GCN1: variants seen among roughly 807,000 people sequenced by gnomAD.
GCN1 encodes GCN1 activator of EIF2AK4.
A neutral mutation model predicts 288.4 loss-of-function variants in GCN1; 90 were observed. The observed-to-expected ratio is 0.31, with a 90% confidence interval of 0.26 to 0.37. GCN1 has a LOEUF of 0.37. Ranked by LOEUF, GCN1 falls within the 10% of genes least tolerant of loss-of-function variation. The pLI is 1.00. For synonymous variants in GCN1, 1,386 were observed against 1,420.2 expected (o/e 0.98, Z 0.54); for missense variants, 2,586 against 3,419.9 (o/e 0.76, Z 6.08).
intron 57 of GCN1, 21 bp downstream of exon 57, chr12:120,129,255 T>C: frequency 6.4e-7 from 1 of 1,552,900 alleles, no homozygotes; most frequent in Non-Finnish European, 8.9e-7. Context: ...CACATCCTGG[T>C]GAGGCCCCCC....
intron 50 of GCN1, 54 bp from the exon 51 acceptor site, chr12:120,136,786 G>A (rs1420808426): frequency 7.4e-7 from 1 of 1,359,630 alleles, no homozygotes; most frequent in Non-Finnish European, 1.0e-6. Flanking sequence ...GGGCCCTGGT[G>A]TCTCCCATGC....
chr12:120,134,827 C>A lies in GCN1; in HGVS notation c.7009-101G>T, dbSNP rs1183980819. The A allele has an allele frequency of 6.1e-6, 6 of 986,680 alleles. No individual in the cohort carries two copies. The highest frequency in any genetic ancestry group is 9.4e-6 in the Non-Finnish European group (6 of 637,498). The allele number at this position is 986,680 out of a possible 1,614,324, so 61.1% of individuals were successfully genotyped here. On this transcript the variant is annotated intron_variant, in intron 51 of 57. Coordinates refer to ENST00000300648, the MANE Select transcript of GCN1 (RefSeq NM_006836.2). The surrounding 1 kb of genome is among the most constrained non-coding windows in gnomAD (Gnocchi z 5.0). The stretch of plus-strand genomic sequence containing the variant: ...AAATGACAATCCCAAACCACCACAG[C>A]GAGTCCAGCTCTCATACAGGGCTGG...
rs376503346 is a variant in GCN1, at chr12:120,150,027, G to A, written c.4326C>T (p.Phe1442=). ...FRRREGALFA[F]EMLCTMLGKL... ...TCCCCAGCATGGTGCAGAGCATCTC[G>A]AAGGCAAAGAGGGCTCCTAGGGGAA... Residue 1442 remains phenylalanine (F), a synonymous_variant, in exon 35 of 58, where the codon TTC becomes TTT. Transcript: ENST00000300648. 6.7e-5 allele frequency: 108 copies of A among 1,614,038 alleles called. No individual in the cohort carries two copies. Among genetic ancestry groups the A allele is most frequent in the South Asian group, 1.2e-4 (11 of 91,060 alleles).
intron 38 of GCN1, among the ~76,000 whole-genome samples, chr12:120,145,600 C>T (rs1387935466): frequency 6.6e-6 from 1 of 152,206 alleles, no homozygotes; most frequent in Admixed American, 6.5e-5. Context: ...TCTTGCACCT[C>T]CCACCCTTCT....
rs766792614 is a variant in GCN1 at position 120,163,050 on chromosome 12, C to T, written c.2038+20G>A. On this transcript the variant is annotated intron_variant, in intron 19 of 57. Transcript: ENST00000300648. ...TCCCCTAAAGCTCTGGGCTCTCCCA[C>T]ACCCACCGCAGCCACGGACCTAAGG... 11 of 1,613,640 alleles carry T rather than the reference C, an allele frequency of 6.8e-6. No homozygotes were observed. The East Asian group carries it at 2.5e-4, about 36-fold the overall frequency.
At position 120,153,090 on chromosome 12, in the gene GCN1, TAAC is replaced by T. The variant is rs1387180357; in HGVS notation, c.4062+120_4062+122del. ...TCCCCTGCGAGAGGGGGTGAATCCT[TAAC>T]AAGAACTGGGCTTTCAGGGCCCTGA... On this transcript the variant is annotated intron_variant, in intron 33 of 57. Transcript: ENST00000300648. This position sits in a 1 kb window ranked among gnomAD's most constrained non-coding sequence, Gnocchi z 4.4. 2.7e-6 allele frequency: 2 copies of T among 752,210 alleles called. No individual in the cohort carries two copies. Among genetic ancestry groups the T allele is most frequent in the African/African-American group, 3.5e-5 (2 of 56,918 alleles). 46.6% of individuals were successfully genotyped at this position (752,210 alleles called of 1,614,324 possible).
Position 120,144,554 on chromosome 12 carries a change from C to A in GCN1, c.5352+85G>T. 1 of 1,551,648 alleles carries A rather than the reference C, an allele frequency of 6.4e-7. No homozygotes were observed. Among genetic ancestry groups the A allele is most frequent in the South Asian group, 1.2e-5 (1 of 85,434 alleles). On this transcript the variant is annotated intron_variant, in intron 41 of 57. Transcript: ENST00000300648. This position sits in a 1 kb window ranked among gnomAD's most constrained non-coding sequence, Gnocchi z 4.7. Reference sequence around the variant, plus strand: ...GAGGGCTCTGCCAACCAACCCCAGCCAGCAGGGATCTCTAGCTCTCCAGGT... The same window carrying A: ...GAGGGCTCTGCCAACCAACCCCAGCAAGCAGGGATCTCTAGCTCTCCAGGT...
At chr12:120,157,231 C>T in intron 26 of GCN1, 1 of 472,584 alleles carries the variant, frequency 2.1e-6, no homozygotes, top group Non-Finnish European at 3.8e-6. Flanking sequence ...CTATGAAATC[C>T]AGAAAGACCG....
Position 120,178,942 on chromosome 12 carries a change from C to A in GCN1, c.435G>T (p.Val145=). 1.2e-6 allele frequency: 2 copies of A among 1,613,354 alleles called. No homozygotes were observed. Among genetic ancestry groups the A allele is most frequent in the South Asian group, 2.2e-5 (2 of 91,036 alleles). The change falls in exon 6 of 58, where the codon GTG becomes GTT. Residue 145 remains valine, a synonymous_variant. Transcript: ENST00000300648. ...GCACCTCCAGCAAGAGCAGGCACTG[C>A]ACTTCCACCTGCCAGGACCAGGGAA... is the stretch of plus-strand genomic sequence containing the variant. ...QGDIWNKLVE[V]QCLLLLEVLG... is the part of the protein sequence containing the mutation.
rs745888251 is a variant in GCN1 at position 120,153,273 on chromosome 12, G to A, written c.4002C>T (p.Asp1334=). 1 of 1,614,228 alleles carries A rather than the reference G, an allele frequency of 6.2e-7. No individual in the cohort carries two copies. The highest frequency in any genetic ancestry group is 1.1e-5 in the South Asian group (1 of 91,090). Reference sequence around the variant, plus strand: ...TGGCAACAATGGGCTTCACTTTGGGGTCACTCTTGTCCAGGTGCTTGGCCA... The same window carrying A: ...TGGCAACAATGGGCTTCACTTTGGGATCACTCTTGTCCAGGTGCTTGGCCA... ...GSLAKHLDKS[D]PKVKPIVAKL... is the part of the protein sequence containing the mutation. Residue 1334 remains aspartate (D), a synonymous_variant, in exon 33 of 58, where the codon GAC becomes GAT. Coordinates refer to ENST00000300648, the MANE Select transcript of GCN1 (RefSeq NM_006836.2). This position sits in a 1 kb window ranked among gnomAD's most constrained non-coding sequence, Gnocchi z 4.4.
In GCN1 at chr12:120,142,373, C is replaced by CT. The variant is rs1303732288; in HGVS notation, c.5829+133dup. On this transcript the variant is annotated intron_variant, in intron 44 of 57. Coordinates refer to ENST00000300648, the MANE Select transcript of GCN1 (RefSeq NM_006836.2). This position sits in a 1 kb window ranked among gnomAD's most constrained non-coding sequence, Gnocchi z 4.9. ...TAATCAAAAAATATTTGCAGAATGA[C>CT]TAAGTAAAGAACACAATGTCCCTCT... is the stretch of plus-strand genomic sequence containing the variant. 1.6e-6 allele frequency: 1 copy of CT among 636,588 alleles called. No homozygotes were observed. Among genetic ancestry groups the CT allele is most frequent in the East Asian group, 2.7e-5 (1 of 37,232 alleles). The allele number at this position is 636,588 out of a possible 1,614,324, so 39.4% of individuals were successfully genotyped here. A position where few individuals can be genotyped will look rare whatever the true frequency, so the allele number is the denominator to read the frequency against.
In GCN1 at chr12:120,131,924, A is replaced by C. The variant is rs1307099049; in HGVS notation, c.7414+2T>G. 1 of 1,588,226 alleles carries C rather than the reference A, an allele frequency of 6.3e-7. No individual in the cohort carries two copies. Among genetic ancestry groups the C allele is most frequent in the Non-Finnish European group, 8.6e-7 (1 of 1,162,066 alleles). On this transcript the variant is annotated splice_donor_variant, in intron 54 of 57. Coordinates refer to ENST00000300648, the MANE Select transcript of GCN1 (RefSeq NM_006836.2). LOFTEE classifies it high-confidence loss of function. ...TGAAGGGGAACTCTCCAGTGTACTT[A>C]CCCAGCAAGCACTGCTGTAGAACGG...
In GCN1 at chr12:120,161,532, A is replaced by G; in HGVS notation, c.2394T>C (p.Ala798=). The G allele has an allele frequency of 6.2e-7, 1 of 1,614,002 alleles. No individual in the cohort carries two copies. Among genetic ancestry groups the G allele is most frequent in the Non-Finnish European group, 8.5e-7 (1 of 1,179,908 alleles). The part of the protein sequence containing the change: ...KKANMKRENK[A]YSFKEQIIEL... ...CGATGATCTGCTCTTTGAAGGAATAAGCTTTGTTCTCTCGCTTCATGTTGG... is the reference window on the plus strand; with the variant it reads ...CGATGATCTGCTCTTTGAAGGAATAGGCTTTGTTCTCTCGCTTCATGTTGG... The change falls in exon 22 of 58, where the codon GCT becomes GCC. Residue 798 remains alanine (A), a synonymous_variant. Transcript: ENST00000300648.
In GCN1 at chr12:120,142,374, T is replaced by C. The variant is rs1877224448; in HGVS notation, c.5829+133A>G. 1.6e-6 allele frequency: 1 copy of C among 639,466 alleles called. No homozygotes were observed. Among genetic ancestry groups the C allele is most frequent in the East Asian group, 2.7e-5 (1 of 37,384 alleles). 39.6% of individuals were successfully genotyped at this position (639,466 alleles called of 1,614,324 possible). On this transcript the variant is annotated intron_variant, in intron 44 of 57. Coordinates refer to ENST00000300648, the MANE Select transcript of GCN1 (RefSeq NM_006836.2). The surrounding 1 kb of genome is among the most constrained non-coding windows in gnomAD (Gnocchi z 4.9). The stretch of plus-strand genomic sequence containing the variant: ...AATCAAAAAATATTTGCAGAATGAC[T>C]AAGTAAAGAACACAATGTCCCTCTG...
At chr12:120,148,586 T>C (rs1057419678) in intron 36 of GCN1, among the ~76,000 whole-genome samples, 1 of 152,188 alleles carries the variant, frequency 6.6e-6, no homozygotes, top group African/African-American at 2.4e-5. Context: ...GAGACCAGGA[T>C]AGGTAAGACC....
In GCN1 at chr12:120,158,805, G is replaced by A. The variant is rs2240319; in HGVS notation, c.2750-190C>T. Among the ~76,000 whole-genome samples the A allele has an allele frequency of 2.0e-5, 3 of 151,940 alleles. No individual in the cohort carries two copies. Among genetic ancestry groups the A allele is most frequent in the African/African-American group, 7.3e-5 (3 of 41,354 alleles). ...AGGCGGGCGGATCATGAGGTCAGGA[G>A]ATTGAGACCATCCTGGCTAACACGG... On this transcript the variant is annotated intron_variant, in intron 24 of 57. Transcript: ENST00000300648. This position sits in a 1 kb window ranked among gnomAD's most constrained non-coding sequence, Gnocchi z 4.3.
intron 38 of GCN1, among the ~76,000 whole-genome samples, chr12:120,146,004 C>T (rs927436321): frequency 6.6e-6 from 1 of 152,026 alleles, no homozygotes; most frequent in Non-Finnish European, 1.5e-5. Context: ...CGGTGGTTCA[C>T]GCCTATAATT....
intron 55 of GCN1, 100 bp from the exon 56 acceptor site, chr12:120,130,853 C>A: frequency 1.4e-6 from 1 of 698,054 alleles, no homozygotes; most frequent in South Asian, 1.7e-5. Flanking sequence ...TCCACTACAT[C>A]ACCACCACAT....
chr12:120,136,184 C>T (rs1342132575), intron 51 of GCN1, among the ~76,000 whole-genome samples: 2 of 152,194 alleles, frequency 1.3e-5, no homozygotes, highest in Non-Finnish European at 2.9e-5. Flanking sequence ...TAGCAGGCAT[C>T]ATGCTGGACA....
Sources: gnomAD v4.1 joint callset for allele counts (sites outside exome capture counted in the v4.1 genomes callset) on GRCh38, gnomAD v4.1.1 for gene constraint, Gnocchi (gnomAD v3.1) non-coding constraint, MANE v1.5 for transcripts, NCBI Gene and HGNC (gene_info 2026-07-23, HGNC 2026-07-21) for gene names.